RPTOR: variants seen among roughly 807,000 people sequenced by gnomAD.
RPTOR encodes the protein regulatory-associated protein of mTOR.
In RPTOR, 21 loss-of-function variants were observed where a neutral mutation model predicts 169.9. The ratio of observed to expected loss-of-function variants is 0.12; its 90% confidence interval spans 0.09 to 0.18. The LOEUF is 0.18. Ranked by LOEUF, RPTOR falls within the 10% of genes least tolerant of loss-of-function variation. RPTOR has a pLI of 1.00. For synonymous variants in RPTOR, 732 were observed against 753.2 expected, an observed-to-expected ratio of 0.97 and a Z score of 0.46; for missense variants, 1,133 against 1,855.9, an observed-to-expected ratio of 0.61 and a Z score of 7.16.
intron 27 of RPTOR, chr17:80,948,611 C>T (rs1357393787): frequency 6.6e-6 from 1 of 152,534 alleles, no homozygotes; most frequent in East Asian, 1.9e-4. Flanking sequence ...AGCTCCAAAA[C>T]CAGGAACGTT....
rs1361539464 is a variant in RPTOR at position 80,889,859 on chromosome 17, ATGCAGCAGGATGTG to A, written c.1984-1860_1984-1847del. Among the ~76,000 whole-genome samples the A allele has an allele frequency of 1.0e-3, 114 of 114,044 alleles. 1 individual carries two copies. Among genetic ancestry groups the A allele is most frequent in the African/African-American group, 1.1e-3 (33 of 29,180 alleles). The allele number at this position is 114,044 out of a possible 152,430, so 74.8% of individuals were successfully genotyped here. On this transcript the variant is annotated intron_variant, in intron 17 of 33. Transcript: ENST00000306801. ...TGCGGCCTCCGAGGGAGGCCCCCGT[ATGCAGCAGGATGTG>A]CGGCCTCCGAGGGAGGCCCCCGTAC...
chr17:80,960,128 C>T lies in RPTOR; in HGVS notation c.3528C>T (p.Ser1176=), dbSNP rs769880552. ...DSCVTSLSCD[S]HRSLIVAGLG... The stretch of plus-strand genomic sequence containing the variant: ...GTGTGACGAGTCTGTCCTGTGATTC[C>T]CACCGCTCACTCATCGTGGCTGGCC... Residue 1176 remains serine (S), a synonymous_variant, in exon 30 of 34, where the codon TCC becomes TCT. Transcript: ENST00000306801. This position sits in a 1 kb window ranked among gnomAD's most constrained non-coding sequence, Gnocchi z 4.8. The T allele has an allele frequency of 6.2e-7, 1 of 1,613,740 alleles. No individual in the cohort carries two copies. Among genetic ancestry groups the T allele is most frequent in the African/African-American group, 1.3e-5 (1 of 75,044 alleles).
chr17:80,560,424 A>T (rs1056428446), intron 1 of RPTOR, among the ~76,000 whole-genome samples: 1 of 152,148 alleles, frequency 6.6e-6, no homozygotes, highest in Non-Finnish European at 1.5e-5. Context: ...ATGGGGAGTA[A>T]TTCCTGCGTT....
chr17:80,884,970 G>A (rs371597114), intron 16 of RPTOR, 38 bp from the exon 17 acceptor site: 106 of 1,592,142 alleles, frequency 6.7e-5, no homozygotes, highest in African/African-American at 6.3e-4. Flanking sequence ...AGCATGGCCC[G>A]GTGTGGGACA....
chr17:80,728,448 T>G (rs868139444), intron 4 of RPTOR, among the ~76,000 whole-genome samples: 40 of 147,266 alleles, frequency 2.7e-4, no homozygotes, highest in African/African-American at 6.4e-4. Context: ...CACTCTGGGG[T>G]GTGTGTGTGT....
At chr17:80,570,794 A>T (rs1202931420) in intron 1 of RPTOR, among the ~76,000 whole-genome samples, 1 of 152,176 alleles carries the variant, frequency 6.6e-6, no homozygotes. Context: ...ATAAGTTGTT[A>T]TGTATTAATG....
intron 3 of RPTOR, among the ~76,000 whole-genome samples, chr17:80,684,324 T>A (rs1418314639): frequency 6.6e-6 from 1 of 152,054 alleles, no homozygotes; most frequent in African/African-American, 2.4e-5. Flanking sequence ...ATCTCCCCAA[T>A]CCTGTTTCCA....
At chr17:80,723,672 A>G (rs2066305816) in intron 4 of RPTOR, among the ~76,000 whole-genome samples, 1 of 151,350 alleles carries the variant, frequency 6.6e-6, no homozygotes, top group Non-Finnish European at 1.5e-5. Flanking sequence ...CTACTGGAGC[A>G]TTAGTGTTAC....
chr17:80,557,330 GTCAACA>G (rs1258744591), intron 1 of RPTOR, among the ~76,000 whole-genome samples: 5 of 152,068 alleles, frequency 3.3e-5, no homozygotes, highest in African/African-American at 1.2e-4. Flanking sequence ...GACCAGCCTG[GTCAACA>G]TGGTGAAACA....
chr17:80,872,387 C>G (rs2068061168), intron 13 of RPTOR, among the ~76,000 whole-genome samples: 1 of 152,172 alleles, frequency 6.6e-6, no homozygotes, highest in South Asian at 2.1e-4. Flanking sequence ...CCCGGGAGAA[C>G]TGCGGACCAG....
At chr17:80,663,105 C>G (rs2065736718) in intron 3 of RPTOR, among the ~76,000 whole-genome samples, 9 of 152,216 alleles carry the variant, frequency 5.9e-5, no homozygotes, top group Admixed American at 5.9e-4. Flanking sequence ...GCCTCGTTCA[C>G]TCAGGGTGAG....
chr17:80,735,347 A>G (rs1017390679), intron 5 of RPTOR, among the ~76,000 whole-genome samples: 3 of 152,234 alleles, frequency 2.0e-5, no homozygotes, highest in African/African-American at 7.2e-5. Context: ...CTCCATCCAG[A>G]TAAATGCCAT....
intron 7 of RPTOR, among the ~76,000 whole-genome samples, chr17:80,795,575 TA>T (rs1463206364): frequency 6.6e-6 from 1 of 151,842 alleles, no homozygotes; most frequent in Admixed American, 6.6e-5. Flanking sequence ...TTTTTTTTTT[TA>T]ATTTAAAAGA....
intron 25 of RPTOR, among the ~76,000 whole-genome samples, chr17:80,943,280 G>A (rs979158994): frequency 6.6e-6 from 1 of 152,074 alleles, no homozygotes; most frequent in African/African-American, 2.4e-5. Context: ...CAAGTCGCGC[G>A]GCTTTGACCT....
intron 2 of RPTOR, among the ~76,000 whole-genome samples, chr17:80,634,556 C>CCG (rs1567831065): frequency 2.8e-5 from 2 of 72,132 alleles, no homozygotes; most frequent in East Asian, 4.2e-4. Flanking sequence ...TGTGTGCATA[C>CCG]TGTGTGTGTG....
intron 3 of RPTOR, among the ~76,000 whole-genome samples, chr17:80,674,719 C>T (rs1300172844): frequency 7.4e-6 from 1 of 135,244 alleles, no homozygotes; most frequent in African/African-American, 2.7e-5. Context: ...ACCTGGGAGG[C>T]GAAGCTTTCA....
intron 13 of RPTOR, among the ~76,000 whole-genome samples, chr17:80,863,763 T>G (rs1034177224): frequency 1.3e-5 from 2 of 151,812 alleles, no homozygotes; most frequent in Non-Finnish European, 2.9e-5. Context: ...CATGAAAAAA[T>G]ACAAAACTCA....
intron 28 of RPTOR, among the ~76,000 whole-genome samples, chr17:80,954,410 CTG>C (rs752981929): frequency 2.2e-4 from 33 of 152,144 alleles, no homozygotes; most frequent in Non-Finnish European, 4.3e-4. Context: ...GCGTGAGCCA[CTG>C]TGCCCGGGCT....
At chr17:80,715,161 T>G (rs1037041157) in intron 4 of RPTOR, among the ~76,000 whole-genome samples, 2 of 152,240 alleles carry the variant, frequency 1.3e-5, no homozygotes, top group Non-Finnish European at 2.9e-5. Flanking sequence ...AAATGTGTTT[T>G]TTTTGAAAGG....
Sources: gnomAD v4.1 joint callset for allele counts (sites outside exome capture counted in the v4.1 genomes callset) on GRCh38, gnomAD v4.1.1 for gene constraint, Gnocchi (gnomAD v3.1) non-coding constraint, MANE v1.5 for transcripts, NCBI Gene and HGNC (gene_info 2026-07-23, HGNC 2026-07-21) for gene names.